The following LIMA1 variants were observed in gnomAD, a reference collection of about 807,000 sequenced individuals.
The protein encoded by LIMA1 is LIM domain and actin binding 1.
In LIMA1, 52 loss-of-function variants were observed where a neutral mutation model predicts 62.6. The ratio of observed to expected loss-of-function variants is 0.83; its 90% confidence interval spans 0.67 to 1.05. The LOEUF (loss-of-function observed/expected upper bound fraction) is 1.05, where lower values mean the gene tolerates loss of function less well. LIMA1 is among the 50% of genes least tolerant of loss of function. LIMA1 has a pLI of 0.00. For synonymous variants in LIMA1, 302 were observed against 317.8 expected, an observed-to-expected ratio of 0.95 and a Z score of 0.53; for missense variants, 780 against 902.2, an observed-to-expected ratio of 0.86 and a Z score of 1.74.
At chr12:50,217,642 G>A (rs902360397) in intron 4 of LIMA1, 10 of 199,302 alleles carry the variant, frequency 5.0e-5, no homozygotes, top group African/African-American at 7.1e-5. Flanking sequence ...GGAGGTGTTC[G>A]GTCCTTGCGG....
chr12:50,179,855 CT>C (rs1940455056), intron 10 of LIMA1, among the ~76,000 whole-genome samples: 1 of 151,902 alleles, frequency 6.6e-6, no homozygotes, highest in Non-Finnish European at 1.5e-5. Context: ...ATCCTCCAGC[CT>C]CAGTCTCAGC....
At chr12:50,234,624 C>G (rs1941662013) in intron 2 of LIMA1, among the ~76,000 whole-genome samples, 1 of 152,084 alleles carries the variant, frequency 6.6e-6, no homozygotes, top group South Asian at 2.1e-4. Flanking sequence ...TAGCAGAACT[C>G]AGCCCCACCC....
At chr12:50,266,598 A>G (rs758249910) in intron 1 of LIMA1, among the ~76,000 whole-genome samples, 1 of 152,232 alleles carries the variant, frequency 6.6e-6, no homozygotes, top group Non-Finnish European at 1.5e-5. Context: ...ACATGCTTGT[A>G]CTATTGCCTA....
At chr12:50,236,290 AT>A (rs1056967942) in intron 2 of LIMA1, among the ~76,000 whole-genome samples, 98 of 139,038 alleles carry the variant, frequency 7.0e-4, no homozygotes, top group African/African-American at 1.3e-3. Flanking sequence ...GTAGGAAAAT[AT>A]TTTTTTTTCT....
At chr12:50,203,246 T>C (rs1272779699) in intron 6 of LIMA1, among the ~76,000 whole-genome samples, 2 of 151,646 alleles carry the variant, frequency 1.3e-5, no homozygotes, top group Admixed American at 6.6e-5. Flanking sequence ...AACTCCTGAC[T>C]TCAAATGACC....
chr12:50,215,987 G>A (rs1346957653), intron 4 of LIMA1, among the ~76,000 whole-genome samples: 1 of 151,668 alleles, frequency 6.6e-6, no homozygotes, highest in Non-Finnish European at 1.5e-5. Context: ...AGGCTGCAGT[G>A]AGCTGAGATG....
rs1175139974 is a variant in LIMA1 at position 50,176,568 on chromosome 12, A to G, written c.*496T>C. On this transcript the variant is annotated 3_prime_UTR_variant, in exon 11 of 11. Coordinates refer to ENST00000341247, the MANE Select transcript of LIMA1 (RefSeq NM_016357.5). ...ACCTAAAAAATTTAAAGACTAAATA[A>G]TCTCTTAACAGGTAAATACTAAAAA... 2 of 152,802 alleles carry G rather than the reference A, an allele frequency of 1.3e-5. No individual in the cohort carries two copies. 9.5% of individuals were successfully genotyped at this position (152,802 alleles called of 1,614,324 possible).
chr12:50,261,650 C>T (rs994951951), intron 1 of LIMA1, among the ~76,000 whole-genome samples: 4 of 152,076 alleles, frequency 2.6e-5, no homozygotes, highest in African/African-American at 9.7e-5. Flanking sequence ...AGTATTAGAC[C>T]TATCCCTACC....
At chr12:50,234,528 G>C (rs1208580123) in intron 2 of LIMA1, among the ~76,000 whole-genome samples, 1 of 151,736 alleles carries the variant, frequency 6.6e-6, no homozygotes, top group Non-Finnish European at 1.5e-5. Context: ...CCTTAACCTG[G>C]CTTCCTCCAG....
rs1300747583 is a variant in LIMA1 at position 50,182,054 on chromosome 12, G to C, written c.1141-17C>G. On this transcript the variant is annotated splice_polypyrimidine_tract_variant and intron_variant, in intron 9 of 10. Transcript: ENST00000341247. The stretch of plus-strand genomic sequence containing the variant: ...CTGAAACTTCTAGGAAAAACAAAAA[G>C]ACAACTTTAGCATGGGCAGCGATGA... The C allele has an allele frequency of 1.9e-6, 3 of 1,612,162 alleles. No individual in the cohort carries two copies. Among genetic ancestry groups the C allele is most frequent in the Non-Finnish European group, 2.5e-6 (3 of 1,179,876 alleles).
intron 1 of LIMA1, among the ~76,000 whole-genome samples, chr12:50,257,265 C>T (rs957206104): frequency 5.9e-5 from 9 of 152,160 alleles, no homozygotes; most frequent in African/African-American, 2.2e-4. Context: ...TTTTACATTA[C>T]TTAGAACCAT....
intron 7 of LIMA1, among the ~76,000 whole-genome samples, chr12:50,197,697 C>T (rs866329061): frequency 7.2e-5 from 11 of 152,146 alleles, no homozygotes; most frequent in Middle Eastern, 3.2e-3. Flanking sequence ...AATTTAGATA[C>T]AGGGACAATT....
chr12:50,220,002 C>A (rs1443858343), intron 4 of LIMA1, among the ~76,000 whole-genome samples: 1 of 151,782 alleles, frequency 6.6e-6, no homozygotes, highest in East Asian at 1.9e-4. Flanking sequence ...TCTTCCTATA[C>A]CTTTAGCAAT....
chr12:50,230,557 T>C (rs1362212355), intron 3 of LIMA1, among the ~76,000 whole-genome samples: 1 of 151,850 alleles, frequency 6.6e-6, no homozygotes, highest in Non-Finnish European at 1.5e-5. Flanking sequence ...TAATGGTAGT[T>C]TTTTCTTTTT....
intron 4 of LIMA1, among the ~76,000 whole-genome samples, chr12:50,214,024 C>CCACACACACACACACACACACACACA (rs10632810): frequency 7.3e-4 from 76 of 104,592 alleles, no homozygotes; most frequent in African/African-American, 2.3e-3. Context: ...TATTATCTTA[C>CCACACACACACACACACACACACACA]CACACACACA....
intron 5 of LIMA1, among the ~76,000 whole-genome samples, chr12:50,204,930 T>C (rs2138485971): frequency 6.6e-6 from 1 of 152,290 alleles, no homozygotes; most frequent in East Asian, 1.9e-4. Flanking sequence ...AATTTCAAAA[T>C]TCTAAATTTT....
At chr12:50,196,053 G>T (rs7300549) in intron 7 of LIMA1, 166 bp from the exon 8 acceptor site, 1 of 593,260 alleles carries the variant, frequency 1.7e-6, no homozygotes, top group Non-Finnish European at 2.8e-6. Flanking sequence ...TGAACAAGAG[G>T]CAGCAAAATG....
At chr12:50,217,636 G>T in intron 4 of LIMA1, 1 of 196,110 alleles carries the variant, frequency 5.1e-6, no homozygotes, top group Admixed American at 5.4e-5. Flanking sequence ...TGGGGTGGAG[G>T]TGTTCGGTCC....
At chr12:50,219,886 A>G (rs922227991) in intron 4 of LIMA1, among the ~76,000 whole-genome samples, 12 of 151,856 alleles carry the variant, frequency 7.9e-5, no homozygotes, top group African/African-American at 2.4e-5. Flanking sequence ...AGGTCTGGCT[A>G]TGTTGCCCAG....
Sources: allele counts gnomAD v4.1 joint callset (sites outside exome capture counted in the v4.1 genomes callset), GRCh38; gene constraint gnomAD v4.1.1; transcripts MANE v1.5; gene names NCBI Gene and HGNC (gene_info 2026-07-23, HGNC 2026-07-21).